Variants in PHOX2B observed in about 807,000 individuals in gnomAD.
The protein encoded by PHOX2B is paired like homeobox 2B, also known as paired mesoderm homeobox protein 2B.
PHOX2B carries 1 observed loss-of-function variant against 15.5 expected under a neutral mutation model. That is an observed-to-expected ratio of 0.06 (90% CI 0.02 to 0.31). The LOEUF (loss-of-function observed/expected upper bound fraction) is 0.31, where lower values mean the gene tolerates loss of function less well. Among genes scored for constraint, PHOX2B ranks in the 10% least tolerant of loss-of-function variants. The pLI, the probability that PHOX2B is intolerant of heterozygous loss-of-function variation, is 1.00. For synonymous variants in PHOX2B, 206 were observed against 190.5 expected, an observed-to-expected ratio of 1.08 and a Z score of -0.67; for missense variants, 314 against 436.4, an observed-to-expected ratio of 0.72 and a Z score of 2.50.
intron 1 of PHOX2B, among the ~76,000 whole-genome samples, chr4:41,748,008 C>G (rs1422166116): frequency 6.6e-6 from 1 of 151,992 alleles, no homozygotes; most frequent in Non-Finnish European, 1.5e-5. Context: ...AATGACCAGC[C>G]AAAGAGGTGT....
At position 41,748,480 on chromosome 4, in the gene PHOX2B, T is replaced by G; in HGVS notation, c.131A>C (p.Tyr44Ser). 6.2e-7 allele frequency: 1 copy of G among 1,614,236 alleles called. No homozygotes were observed. The highest frequency in any genetic ancestry group is 8.5e-7 in the Non-Finnish European group (1 of 1,180,030). Residue 44 changes from tyrosine (Y) to serine (S), a missense_variant, in exon 1 of 3, where the codon TAT becomes TCT. Tyr to Ser is a moderately radical substitution (Grantham distance 144). Transcript: ENST00000226382. ...SSCSQASGFQ[Y>S]NPIRTTFGAT... is the part of the protein sequence containing the mutation. ...CCCAAAAGTGGTCCTTATCGGGTTA[T>G]ACTGGAAGCCACTGGCCTGGCTGCA... is the stretch of plus-strand genomic sequence containing the variant.
At chr4:41,747,592 C>A in intron 1 of PHOX2B, 56 bp from the exon 2 acceptor site, 2 of 1,471,512 alleles carry the variant, frequency 1.4e-6, no homozygotes. Context: ...GCTCGCCGGC[C>A]GTGGAGCTAG....
At chr4:41,748,323 C>A (rs781178952) in intron 1 of PHOX2B, 47 bp downstream of exon 1, 3 of 1,607,892 alleles carry the variant, frequency 1.9e-6, no homozygotes, top group Non-Finnish European at 2.6e-6. Flanking sequence ...TTCCTATATA[C>A]GGGCGGAAAG....
At position 41,745,304 on chromosome 4, in the gene PHOX2B, T is replaced by C. The variant is rs560552240; in HGVS notation, c.*503A>G. The C allele has an allele frequency of 4.3e-6, 1 of 234,112 alleles. No homozygotes were observed. Among genetic ancestry groups the C allele is most frequent in the Admixed American group, 5.6e-5 (1 of 17,810 alleles). The allele number at this position is 234,112 out of a possible 1,614,324, so 14.5% of individuals were successfully genotyped here. On this transcript the variant is annotated 3_prime_UTR_variant, in exon 3 of 3. Coordinates refer to ENST00000226382, the MANE Select transcript of PHOX2B (RefSeq NM_003924.4). This position sits in a 1 kb window ranked among gnomAD's most constrained non-coding sequence, Gnocchi z 4.0. ...AAACCTTTCTGGGTTGTTGGCTTTT[T>C]GTTTTTTAATGGTTTCTGCCTTCCA...
At position 41,745,169 on chromosome 4, in the gene PHOX2B, C is replaced by G. The variant is rs544491872; in HGVS notation, c.*638G>C. 12 of 233,204 alleles carry G rather than the reference C, an allele frequency of 5.1e-5. No homozygotes were observed. In the East Asian group the frequency reaches 6.6e-4, roughly 13 times the overall value. 14.4% of individuals were successfully genotyped at this position (233,204 alleles called of 1,614,324 possible). A position where few individuals can be genotyped will look rare whatever the true frequency, so the allele number is the denominator to read the frequency against. On this transcript the variant is annotated 3_prime_UTR_variant, in exon 3 of 3. Transcript: ENST00000226382. This position sits in a 1 kb window ranked among gnomAD's most constrained non-coding sequence, Gnocchi z 4.0. ...AAGAAGAGCCCCAAGAGAATCCGTG[C>G]TGTTAGGAGGGAGCGGATTTAGGGG...
intron 1 of PHOX2B, 28 bp from the exon 2 acceptor site, chr4:41,747,564 T>G: frequency 1.3e-6 from 2 of 1,589,078 alleles, no homozygotes; most frequent in Non-Finnish European, 1.7e-6. Context: ...AGACAGAAAG[T>G]GAGCAAATCA....
Position 41,745,171 on chromosome 4 carries a change from G to T in PHOX2B, c.*636C>A, listed in dbSNP as rs1160902159. The T allele has an allele frequency of 4.3e-6, 1 of 233,138 alleles. No individual in the cohort carries two copies. 14.4% of individuals were successfully genotyped at this position (233,138 alleles called of 1,614,324 possible). A position where few individuals can be genotyped will look rare whatever the true frequency, so the allele number is the denominator to read the frequency against. ...GAAGAGCCCCAAGAGAATCCGTGCT[G>T]TTAGGAGGGAGCGGATTTAGGGGTT... On this transcript the variant is annotated 3_prime_UTR_variant, in exon 3 of 3. Transcript: ENST00000226382. The surrounding 1 kb of genome is among the most constrained non-coding windows in gnomAD (Gnocchi z 4.0).
rs1193042273 is a variant in PHOX2B at position 41,745,730 on chromosome 4, A to ACCCGCTCG, written c.*69_*76dup. ...CAGCGACGACAATAGCCTTGGGCCT[A>ACCCGCTCG]CCCGCTCGCCCACTCGCCCGCCCGG... is the stretch of plus-strand genomic sequence containing the variant. On this transcript the variant is annotated 3_prime_UTR_variant, in exon 3 of 3. Transcript: ENST00000226382. This position sits in a 1 kb window ranked among gnomAD's most constrained non-coding sequence, Gnocchi z 4.0. 41 of 1,530,272 alleles carry ACCCGCTCG rather than the reference A, an allele frequency of 2.7e-5. No homozygotes were observed. The highest frequency in any genetic ancestry group is 3.4e-5 in the Non-Finnish European group (39 of 1,136,580). The allele number at this position is 1,530,272 out of a possible 1,614,324, so 94.8% of individuals were successfully genotyped here.
rs114290493 is a variant in PHOX2B at position 41,745,646 on chromosome 4, C to T, written c.*161G>A. ...AGTGGGGTTGAAATGAGGGCGACGC[C>T]GTTTTCCCTTTATTCTTAGCGCGAT... On this transcript the variant is annotated 3_prime_UTR_variant, in exon 3 of 3. Coordinates refer to ENST00000226382, the MANE Select transcript of PHOX2B (RefSeq NM_003924.4). This position sits in a 1 kb window ranked among gnomAD's most constrained non-coding sequence, Gnocchi z 4.0. 8,843 of 854,576 alleles carry T rather than the reference C, an allele frequency of 0.01. 62 individuals are homozygous for T. Among genetic ancestry groups the T allele is most frequent in the Non-Finnish European group, 0.012 (6,971 of 586,100 alleles). The allele number at this position is 854,576 out of a possible 1,614,324, so 52.9% of individuals were successfully genotyped here.
chr4:41,746,697 C>G (rs1733911782), intron 2 of PHOX2B, among the ~76,000 whole-genome samples: 1 of 148,370 alleles, frequency 6.7e-6, no homozygotes, highest in African/African-American at 2.6e-5. Flanking sequence ...AAGTTAAACT[C>G]TAATTGGTAG....
Position 41,746,215 on chromosome 4 carries a change from G to T in PHOX2B, c.537C>A (p.Ser179=), listed in dbSNP as rs2153112805. The T allele has an allele frequency of 6.2e-7, 1 of 1,613,878 alleles. No homozygotes were observed. Among genetic ancestry groups the T allele is most frequent in the Non-Finnish European group, 8.5e-7 (1 of 1,179,912 alleles). Residue 179 remains serine, a synonymous_variant, in exon 3 of 3, where the codon TCC becomes TCA. Coordinates refer to ENST00000226382, the MANE Select transcript of PHOX2B (RefSeq NM_003924.4). ...NGSSGKKSDS[S]RDDESKEAKS... is the part of the protein sequence containing the mutation. ...TGGCCTCTTTGCTCTCGTCGTCCCT[G>T]GAAGAGTCAGACTTTTTGCCCGAGG...
intron 1 of PHOX2B, 132 bp from the exon 2 acceptor site, chr4:41,747,668 G>T (rs759034580): frequency 1.3e-5 from 10 of 775,488 alleles, no homozygotes; most frequent in South Asian, 1.4e-5. Context: ...GAGAGTTGCC[G>T]AGAGAAGCTG....
intron 2 of PHOX2B, among the ~76,000 whole-genome samples, chr4:41,747,098 A>G (rs1733925149): frequency 6.6e-6 from 1 of 152,164 alleles, no homozygotes; most frequent in Non-Finnish European, 1.5e-5. Flanking sequence ...TCGCTCATCC[A>G]CGTCCCAAGG....
In PHOX2B at chr4:41,748,624, G is replaced by A. The variant is rs1435703970; in HGVS notation, c.-14C>T. ...CATTTTATACATTGAAAAGGTTCTG[G>A]ATGGCTCAGCCAAGTGGAAAAATGA... On this transcript the variant is annotated 5_prime_UTR_variant, in exon 1 of 3. Coordinates refer to ENST00000226382, the MANE Select transcript of PHOX2B (RefSeq NM_003924.4). The A allele has an allele frequency of 6.2e-7, 1 of 1,612,302 alleles. No homozygotes were observed. The highest frequency in any genetic ancestry group is 2.2e-5 in the East Asian group (1 of 44,884).
intron 2 of PHOX2B, 111 bp downstream of exon 2, chr4:41,747,238 T>C (rs1733930212): frequency 3.5e-6 from 3 of 857,924 alleles, no homozygotes; most frequent in Admixed American, 1.9e-5. Context: ...CATGGGGCCC[T>C]AGGTCCTTCT....
In PHOX2B at chr4:41,746,255, G is replaced by T. The variant is rs774521395; in HGVS notation, c.497C>A (p.Ala166Glu). The T allele has an allele frequency of 1.9e-6, 3 of 1,613,282 alleles. No homozygotes were observed. The highest frequency in any genetic ancestry group is 3.3e-5 in the Admixed American group (2 of 59,998). Reference sequence around the variant, plus strand: ...TTTGCCCGAGGAGCCGTTCTTGGCCGCGGCCGCTGCGGCTGCCGCTGCGCG... The same window carrying T: ...TTTGCCCGAGGAGCCGTTCTTGGCCTCGGCCGCTGCGGCTGCCGCTGCGCG... Reference protein sequence around the residue: ...QERAAAAAAAAAKNGSSGKKS... With the variant: ...QERAAAAAAAEAKNGSSGKKS... Residue 166 changes from alanine to glutamate, a missense_variant, in exon 3 of 3, where the codon GCG becomes GAG. Physicochemically the swap from Ala to Glu is moderately radical, Grantham distance 107 (BLOSUM62 -1). Around this residue, in one of 7 missense-constraint regions of PHOX2B, gnomAD observed 31 missense variants for 29.6 expected, o/e 1.05. Coordinates refer to ENST00000226382, the MANE Select transcript of PHOX2B (RefSeq NM_003924.4).
Position 41,747,380 on chromosome 4 carries a change from A to T in PHOX2B, c.398T>A (p.Leu133Gln), listed in dbSNP as rs1553898022. ...TCGCGCCTCTGTGAGGTCGATCTTCAGGGCCAGCTCCTCCCGAGTGTAGAT... is the reference window on the plus strand; with the variant it reads ...TCGCGCCTCTGTGAGGTCGATCTTCTGGGCCAGCTCCTCCCGAGTGTAGAT... Reference protein sequence around the residue: ...PDIYTREELALKIDLTEARVQ... With the variant: ...PDIYTREELAQKIDLTEARVQ... The change falls in exon 2 of 3, where the codon CTG (leucine) becomes CAG (glutamine). Residue 133 changes from leucine (L) to glutamine (Q), a missense_variant. Physicochemically the swap from Leu to Gln is moderately radical, Grantham distance 113. This residue lies in a region of PHOX2B where 9 missense variants were observed against 22.0 expected (regional missense o/e 0.41). Coordinates refer to ENST00000226382, the MANE Select transcript of PHOX2B (RefSeq NM_003924.4). 6.2e-7 allele frequency: 1 copy of T among 1,609,164 alleles called. No homozygotes were observed. The highest frequency in any genetic ancestry group is 8.5e-7 in the Non-Finnish European group (1 of 1,179,952).
chr4:41,745,787 C>A lies in PHOX2B; in HGVS notation c.*20G>T, dbSNP rs779171868. 24 of 1,597,364 alleles carry A rather than the reference C, an allele frequency of 1.5e-5. No homozygotes were observed. In the South Asian group the frequency reaches 2.5e-4, roughly 16 times the overall value. On this transcript the variant is annotated 3_prime_UTR_variant, in exon 3 of 3. Transcript: ENST00000226382. The surrounding 1 kb of genome is among the most constrained non-coding windows in gnomAD (Gnocchi z 4.0). ...GCTCGCCCGCTGTCGCCGCCGCCGC[C>A]GCCGCCGCAGGATTCCAGATCAGAA...
In PHOX2B at chr4:41,745,803, C is replaced by A. The variant is rs1248351381; in HGVS notation, c.*4G>T. 10 of 1,605,780 alleles carry A rather than the reference C, an allele frequency of 6.2e-6. No individual in the cohort carries two copies. The highest frequency in any genetic ancestry group is 1.4e-5 in the African/African-American group (1 of 73,920). On this transcript the variant is annotated 3_prime_UTR_variant, in exon 3 of 3. Transcript: ENST00000226382. This position sits in a 1 kb window ranked among gnomAD's most constrained non-coding sequence, Gnocchi z 4.0. ...CGCCGCCGCCGCCGCCGCAGGATTC[C>A]AGATCAGAACATACTGCTCTTCACT...
Sources: allele counts gnomAD v4.1 joint callset (sites outside exome capture counted in the v4.1 genomes callset), GRCh38; gene constraint gnomAD v4.1.1; regional missense constraint gnomAD v4.1.1; non-coding constraint Gnocchi (gnomAD v3.1); transcripts MANE v1.5; gene names NCBI Gene and HGNC (gene_info 2026-07-23, HGNC 2026-07-21).